NXPH1: variants seen among roughly 807,000 people sequenced by gnomAD.
The protein encoded by NXPH1 is neurexophilin 1, also known as neurexophilin-1.
In NXPH1, 5 loss-of-function variants were observed where a neutral mutation model predicts 23.7. The ratio of observed to expected loss-of-function variants is 0.21; its 90% confidence interval spans 0.11 to 0.44. The LOEUF (loss-of-function observed/expected upper bound fraction) is 0.44. NXPH1 is among the 20% of genes least tolerant of loss of function. NXPH1 has a pLI of 0.99. For missense variants in NXPH1, 324 were observed against 321.6 expected, an observed-to-expected ratio of 1.01 and a Z score of -0.06; for synonymous variants, 144 against 122.2, an observed-to-expected ratio of 1.18 and a Z score of -1.18.
chr7:8,603,584 A>G (rs1184701414), intron 2 of NXPH1, among the ~76,000 whole-genome samples: 2 of 152,042 alleles, frequency 1.3e-5, no homozygotes, highest in Admixed American at 1.3e-4. Flanking sequence ...TAGCTTTTCC[A>G]CATTTTGTGA....
At chr7:8,451,301 G>A (rs753152948) in intron 2 of NXPH1, among the ~76,000 whole-genome samples, 1 of 152,122 alleles carries the variant, frequency 6.6e-6, no homozygotes, top group East Asian at 1.9e-4. Flanking sequence ...ATAAGACCCT[G>A]ATAGATCCTT....
intron 2 of NXPH1, among the ~76,000 whole-genome samples, chr7:8,635,372 G>A (rs1820202855): frequency 1.3e-5 from 2 of 152,156 alleles, no homozygotes; most frequent in South Asian, 4.1e-4. Context: ...GAACTTCAGA[G>A]TTTCTTTCAA....
At chr7:8,523,845 C>T (rs1267765554) in intron 2 of NXPH1, among the ~76,000 whole-genome samples, 3 of 152,168 alleles carry the variant, frequency 2.0e-5, no homozygotes, top group Non-Finnish European at 2.9e-5. Context: ...GACATGATTG[C>T]TGTCCTTCCC....
chr7:8,473,978 T>C lies in NXPH1; in HGVS notation c.54+38211T>C, dbSNP rs76654710. 9.7e-3 allele frequency among the ~76,000 whole-genome samples: 1,482 copies of C among 152,242 alleles called. 10 individuals are homozygous for C. The highest frequency in any genetic ancestry group is 0.016 in the Non-Finnish European group (1,113 of 67,996). The stretch of plus-strand genomic sequence containing the variant: ...TCAAATTACCCAGGAGCTTGATGAA[T>C]AGCTGGACTCACCAGTGAGTGGACA... On this transcript the variant is annotated intron_variant, in intron 2 of 2. Coordinates refer to ENST00000405863, the MANE Select transcript of NXPH1 (RefSeq NM_152745.3).
At chr7:8,547,738 G>A (rs189806520) in intron 2 of NXPH1, among the ~76,000 whole-genome samples, 2 of 151,532 alleles carry the variant, frequency 1.3e-5, no homozygotes, top group East Asian at 3.9e-4. Context: ...ACTTCTAAGA[G>A]GGAATATGTG....
At chr7:8,586,124 T>C (rs527773573) in intron 2 of NXPH1, among the ~76,000 whole-genome samples, 1 of 152,176 alleles carries the variant, frequency 6.6e-6, no homozygotes, top group Non-Finnish European at 1.5e-5. Flanking sequence ...CGTATCTATC[T>C]TAGTTGGTTA....
At chr7:8,475,608 G>A (rs1225341002) in intron 2 of NXPH1, among the ~76,000 whole-genome samples, 4 of 152,100 alleles carry the variant, frequency 2.6e-5, no homozygotes, top group East Asian at 3.9e-4. Context: ...CAAGGGAATC[G>A]GGACTGATTG....
chr7:8,471,063 G>T (rs1402990027), intron 2 of NXPH1, among the ~76,000 whole-genome samples: 6 of 152,072 alleles, frequency 3.9e-5, no homozygotes. Flanking sequence ...CAGATACAAA[G>T]TGATAGCATT....
intron 2 of NXPH1, among the ~76,000 whole-genome samples, chr7:8,630,237 C>T (rs1223260521): frequency 6.6e-6 from 1 of 152,088 alleles, no homozygotes; most frequent in African/African-American, 2.4e-5. Flanking sequence ...CCTACTAAGA[C>T]ATGTTCTAAG....
chr7:8,588,230 C>A (rs1297812125), intron 2 of NXPH1, among the ~76,000 whole-genome samples: 1 of 152,182 alleles, frequency 6.6e-6, no homozygotes, highest in Non-Finnish European at 1.5e-5. Flanking sequence ...CCATTTGACA[C>A]AGCAGTCCCA....
intron 2 of NXPH1, among the ~76,000 whole-genome samples, chr7:8,685,204 C>T (rs1006145808): frequency 1.3e-5 from 2 of 150,840 alleles, no homozygotes; most frequent in Non-Finnish European, 1.5e-5. Context: ...TCCTTTATTA[C>T]GTGCATTTGA....
chr7:8,480,205 A>G (rs1006104291), intron 2 of NXPH1, among the ~76,000 whole-genome samples: 2 of 152,062 alleles, frequency 1.3e-5, no homozygotes, highest in Non-Finnish European at 2.9e-5. Context: ...AACTCATTAA[A>G]CTATACATAT....
chr7:8,623,900 C>T (rs1373692837), intron 2 of NXPH1, among the ~76,000 whole-genome samples: 1 of 151,938 alleles, frequency 6.6e-6, no homozygotes, highest in Admixed American at 6.6e-5. Flanking sequence ...GTATATGTAG[C>T]TAGATCCAGA....
intron 2 of NXPH1, among the ~76,000 whole-genome samples, chr7:8,461,869 C>T (rs1008848814): frequency 7.3e-6 from 1 of 137,310 alleles, no homozygotes. Flanking sequence ...CACACAAGTG[C>T]ATACATGCAC....
chr7:8,449,127 G>A (rs891660397), intron 2 of NXPH1, among the ~76,000 whole-genome samples: 2 of 152,244 alleles, frequency 1.3e-5, no homozygotes, highest in African/African-American at 2.4e-5. Flanking sequence ...CCTTTGGCCA[G>A]GGGGCTTTTT....
chr7:8,749,276 C>G (rs376500493), intron 2 of NXPH1, among the ~76,000 whole-genome samples: 69 of 152,274 alleles, frequency 4.5e-4, no homozygotes, highest in African/African-American at 1.5e-3. Flanking sequence ...AAGTAGATAT[C>G]ATATTGCCTA....
intron 2 of NXPH1, among the ~76,000 whole-genome samples, chr7:8,682,290 C>T (rs564682222): frequency 2.6e-4 from 39 of 152,260 alleles, no homozygotes; most frequent in African/African-American, 8.9e-4. Flanking sequence ...TCTTTGGGAT[C>T]AGATTCCCAG....
chr7:8,697,576 C>CT (rs951150624), intron 2 of NXPH1, among the ~76,000 whole-genome samples: 7 of 152,024 alleles, frequency 4.6e-5, no homozygotes, highest in Non-Finnish European at 1.0e-4. Context: ...TGGTGTGTCT[C>CT]TTTTTTTGTA....
intron 2 of NXPH1, among the ~76,000 whole-genome samples, chr7:8,651,075 A>ATTAGGTATAT: frequency 6.7e-6 from 1 of 148,822 alleles, no homozygotes; most frequent in East Asian, 2.0e-4. Context: ...GCACCCACTA[A>ATTAGGTATAT]CTCGTCATCT....
Sources: gnomAD v4.1 joint callset for allele counts (sites outside exome capture counted in the v4.1 genomes callset) on GRCh38, gnomAD v4.1.1 for gene constraint, MANE v1.5 for transcripts, NCBI Gene and HGNC (gene_info 2026-07-23, HGNC 2026-07-21) for gene names.